Variants in TDRD5 observed in about 807,000 individuals in gnomAD.
TDRD5 encodes tudor domain containing 5.
In TDRD5, 41 loss-of-function variants were observed where a neutral mutation model predicts 120.6. The observed-to-expected ratio is 0.34, with a 90% CI of 0.26 to 0.44. The LOEUF (loss-of-function observed/expected upper bound fraction) is 0.44, where lower values mean the gene tolerates loss of function less well. Ranked by LOEUF, TDRD5 falls within the 20% of genes least tolerant of loss-of-function variation. The pLI is 1.00. For synonymous variants in TDRD5, 430 were observed against 433.7 expected, an observed-to-expected ratio of 0.99 and a Z score of 0.11; for missense variants, 1,006 against 1,221.2, an observed-to-expected ratio of 0.82 and a Z score of 2.63.
intron 2 of TDRD5, among the ~76,000 whole-genome samples, chr1:179,593,212 C>CA (rs1385797428): frequency 5.3e-5 from 8 of 152,220 alleles, no homozygotes; most frequent in Non-Finnish European, 8.8e-5. Context: ...CCAAGAGTTT[C>CA]AAAAAATCTG....
At chr1:179,595,319 A>G (rs1039783681) in intron 3 of TDRD5, among the ~76,000 whole-genome samples, 1 of 152,148 alleles carries the variant, frequency 6.6e-6, no homozygotes, top group Non-Finnish European at 1.5e-5. Flanking sequence ...TGTCTCCTAA[A>G]TGGGATACAG....
At chr1:179,626,429 G>A (rs946134368) in intron 6 of TDRD5, among the ~76,000 whole-genome samples, 1 of 152,192 alleles carries the variant, frequency 6.6e-6, no homozygotes, top group East Asian at 1.9e-4. Flanking sequence ...TGAGGTAATG[G>A]AAGTGTTCTG....
chr1:179,675,270 ATTAT>A (rs1426716433), intron 17 of TDRD5, among the ~76,000 whole-genome samples: 4 of 59,250 alleles, frequency 6.8e-5, no homozygotes, highest in South Asian at 6.7e-4. Flanking sequence ...TATTATTATT[ATTAT>A]TTTTTTTTTT....
At chr1:179,607,505 T>TG (rs1448648529) in intron 4 of TDRD5, among the ~76,000 whole-genome samples, 1 of 152,082 alleles carries the variant, frequency 6.6e-6, no homozygotes, top group Admixed American at 6.6e-5. Flanking sequence ...CCTGGTTAAG[T>TG]GTTTTTTTTA....
chr1:179,659,592 C>A (rs3219914), intron 14 of TDRD5, among the ~76,000 whole-genome samples: 4,316 of 67,992 alleles, frequency 0.063, 92 homozygotes, highest in East Asian at 0.23. Context: ...TGTGTGTGTG[C>A]GCGCGCTTGC....
intron 16 of TDRD5, 129 bp downstream of exon 16, chr1:179,663,620 C>A: frequency 7.9e-7 from 1 of 1,261,164 alleles, no homozygotes; most frequent in Non-Finnish European, 1.1e-6. Flanking sequence ...GTAGCTGTTA[C>A]TGTTGATGAT....
chr1:179,690,735 C>G lies in TDRD5; in HGVS notation c.2900C>G (p.Ser967Cys), dbSNP rs755820318. ...GAGATCCTAAAGAATGAAGATTTTT[C>G]TAGCAGCCGTGCTATTACATTGTAC... ...SPEILKNEDF[S>C]SSRAITLYKD... Residue 967 changes from serine (S) to cysteine (C), a missense_variant, in exon 18 of 18, where the codon TCT becomes TGT. This residue lies in a region of TDRD5 where 403 missense variants were observed against 448.1 expected (regional missense o/e 0.90). Transcript: ENST00000444136. 2 of 1,613,998 alleles carry G rather than the reference C, an allele frequency of 1.2e-6. No individual in the cohort carries two copies. The highest frequency in any genetic ancestry group is 4.5e-5 in the East Asian group (2 of 44,890).
At chr1:179,614,079 T>C (rs1676430965) in intron 4 of TDRD5, among the ~76,000 whole-genome samples, 1 of 152,224 alleles carries the variant, frequency 6.6e-6, no homozygotes, top group South Asian at 2.1e-4. Context: ...TGTCTGTTTT[T>C]AAATTTTTTT....
At chr1:179,679,309 ATTTG>A (rs771918494) in intron 17 of TDRD5, among the ~76,000 whole-genome samples, 1 of 152,030 alleles carries the variant, frequency 6.6e-6, no homozygotes, top group Non-Finnish European at 1.5e-5. Context: ...CATGAGGGAT[ATTTG>A]TCTATAGTTT....
chr1:179,664,908 C>G (rs997386334), intron 16 of TDRD5, among the ~76,000 whole-genome samples: 1 of 151,946 alleles, frequency 6.6e-6, no homozygotes, highest in African/African-American at 2.4e-5. Flanking sequence ...ATTTTATGTA[C>G]CCCCCAGCAG....
At chr1:179,627,580 T>G (rs1019045024) in intron 6 of TDRD5, among the ~76,000 whole-genome samples, 1 of 152,204 alleles carries the variant, frequency 6.6e-6, no homozygotes, top group Non-Finnish European at 1.5e-5. Context: ...TAAATTGAGT[T>G]TGGAACATCT....
intron 8 of TDRD5, among the ~76,000 whole-genome samples, chr1:179,635,021 C>G (rs916447744): frequency 6.6e-6 from 1 of 152,102 alleles, no homozygotes; most frequent in Non-Finnish European, 1.5e-5. Context: ...TCTTTTCTTG[C>G]ATCTCCACAC....
Position 179,651,024 on chromosome 1 carries a change from C to T in TDRD5, c.1958C>T (p.Thr653Ile), listed in dbSNP as rs745498131. Residue 653 changes from threonine (T) to isoleucine (I), a missense_variant, in exon 12 of 18, where the codon ACA becomes ATA. This residue lies in a region of TDRD5 where 403 missense variants were observed against 448.1 expected (regional missense o/e 0.90). Coordinates refer to ENST00000444136, the MANE Select transcript of TDRD5 (RefSeq NM_001199085.3). ...EDVYFHHVLR[T>I]EGHAIVCREN... ...GTCTATTTCCATCATGTCTTGAGAA[C>T]AGAGGGCCATGCTATTGTATGCCGA... 1 of 1,613,962 alleles carries T rather than the reference C, an allele frequency of 6.2e-7. No individual in the cohort carries two copies. Among genetic ancestry groups the T allele is most frequent in the African/African-American group, 1.3e-5 (1 of 74,912 alleles).
intron 14 of TDRD5, among the ~76,000 whole-genome samples, chr1:179,658,614 G>A (rs1378637922): frequency 6.6e-6 from 1 of 151,942 alleles, no homozygotes; most frequent in Non-Finnish European, 1.5e-5. Context: ...TTATCTGCAG[G>A]GTCTGCAATG....
At chr1:179,646,704 C>T (rs1221108995) in intron 11 of TDRD5, among the ~76,000 whole-genome samples, 4 of 152,092 alleles carry the variant, frequency 2.6e-5, no homozygotes, top group Admixed American at 6.6e-5. Context: ...TCTAGAAAAC[C>T]CCACTGTCTC....
Position 179,601,728 on chromosome 1 carries a change from A to G in TDRD5, c.831+5910A>G, listed in dbSNP as rs570313005. Among the ~76,000 whole-genome samples the G allele has an allele frequency of 4.6e-4, 70 of 152,324 alleles. 1 individual carries two copies. The highest frequency in any genetic ancestry group is 1.6e-3 in the African/African-American group (67 of 41,572). On this transcript the variant is annotated intron_variant, in intron 4 of 17. Transcript: ENST00000444136. ...GCAATTTGTGCTGCTATAAATGTGC[A>G]TCTGCAAGTATCTTTTTCGTATAAT...
At chr1:179,613,702 C>T (rs1483463200) in intron 4 of TDRD5, among the ~76,000 whole-genome samples, 1 of 152,148 alleles carries the variant, frequency 6.6e-6, no homozygotes, top group East Asian at 1.9e-4. Context: ...AATAGGGGCA[C>T]TAATCCCATT....
Position 179,691,136 on chromosome 1 carries a change from T to TAC in TDRD5, c.*194_*195insCA. 1.6e-6 allele frequency: 1 copy of TAC among 621,484 alleles called. No homozygotes were observed. Among genetic ancestry groups the TAC allele is most frequent in the Non-Finnish European group, 2.5e-6 (1 of 404,044 alleles). 38.5% of individuals were successfully genotyped at this position (621,484 alleles called of 1,614,324 possible). A position where few individuals can be genotyped will look rare whatever the true frequency, so the allele number is the denominator to read the frequency against. ...GTAAGTAAGTATTGATATTTACTGT[T>TAC]AATCTTGATTTTTCTTGATTTTATT... On this transcript the variant is annotated 3_prime_UTR_variant, in exon 18 of 18. Coordinates refer to ENST00000444136, the MANE Select transcript of TDRD5 (RefSeq NM_001199085.3).
chr1:179,598,199 A>G (rs75151275), intron 4 of TDRD5, among the ~76,000 whole-genome samples: 43 of 152,354 alleles, frequency 2.8e-4, no homozygotes, highest in African/African-American at 8.7e-4. Context: ...TAGAAAAGGT[A>G]CAGAAAAAAT....
Sources: gnomAD v4.1 joint callset for allele counts (sites outside exome capture counted in the v4.1 genomes callset) on GRCh38, gnomAD v4.1.1 for gene constraint, gnomAD v4.1.1 regional missense constraint, MANE v1.5 for transcripts, NCBI Gene and HGNC (gene_info 2026-07-23, HGNC 2026-07-21) for gene names.